The following SLC43A2 variants were observed in gnomAD, a reference collection of about 807,000 sequenced individuals.
The protein encoded by SLC43A2 is solute carrier family 43 member 2.
SLC43A2 carries 38 observed loss-of-function variants against 63.2 expected under a neutral mutation model. The ratio of observed to expected loss-of-function variants is 0.60; its 90% CI spans 0.46 to 0.79. The LOEUF is 0.79. SLC43A2 is among the 30% of genes least tolerant of loss of function. The pLI, the probability that SLC43A2 is intolerant of heterozygous loss-of-function variation, is 0.00. For missense variants in SLC43A2, 644 were observed against 756.2 expected (o/e 0.85, Z 1.74); for synonymous variants, 322 against 331.0 (o/e 0.97, Z 0.30).
intron 2 of SLC43A2, among the ~76,000 whole-genome samples, chr17:1,617,243 G>A (rs1907764772): frequency 6.6e-6 from 1 of 152,190 alleles, no homozygotes; most frequent in African/African-American, 2.4e-5. Context: ...GCAGAACCCA[G>A]ACCACTTGGG....
Position 1,578,264 on chromosome 17 carries a change from GCCC to G in SLC43A2, c.1407_1409del (p.Gly470del), listed in dbSNP as rs2075962953. On this transcript the variant is annotated inframe_deletion, in exon 12 of 14. Transcript: ENST00000301335. The surrounding 1 kb of genome is among the most constrained non-coding windows in gnomAD (Gnocchi z 6.5). ...CCAGGACTTACACGGCAGCGTACAG[GCCC>G]CCGACAGCGGAGTGGATGAATCCTC... 2 of 1,613,854 alleles carry G rather than the reference GCCC, an allele frequency of 1.2e-6. No homozygotes were observed. The highest frequency in any genetic ancestry group is 2.2e-5 in the South Asian group (2 of 91,090).
At chr17:1,581,806 GTTTTTT>G (rs926906202) in intron 11 of SLC43A2, among the ~76,000 whole-genome samples, 1 of 140,750 alleles carries the variant, frequency 7.1e-6, no homozygotes, top group East Asian at 2.1e-4. Context: ...AAGAAATTCA[GTTTTTT>G]TTTTTTTTTT....
At position 1,623,615 on chromosome 17, in the gene SLC43A2, A is replaced by G. The variant is rs1349816643; in HGVS notation, c.160+4100T>C. Among the ~76,000 whole-genome samples the G allele has an allele frequency of 2.7e-5, 4 of 149,312 alleles. No homozygotes were observed. The East Asian group carries it at 7.8e-4, about 29-fold the overall frequency. The stretch of plus-strand genomic sequence containing the variant: ...CCTTCCCACTTCTCTCCTCTCCTCC[A>G]GGGTGTACCCTCCTCTCCTCCAGGC... On this transcript the variant is annotated intron_variant, in intron 2 of 13. Transcript: ENST00000301335.
chr17:1,570,820 C>T lies in SLC43A2; in HGVS notation c.*4784G>A, dbSNP rs987501733. The stretch of plus-strand genomic sequence containing the variant: ...CATTGTTAAGTGCCAGGCGTCCCAC[C>T]ATGCGGGTCTTCACTGCGTATCCAC... On this transcript the variant is annotated 3_prime_UTR_variant, in exon 14 of 14. Transcript: ENST00000301335. 1.3e-5 allele frequency: 2 copies of T among 152,342 alleles called. No individual in the cohort carries two copies. Among genetic ancestry groups the T allele is most frequent in the Non-Finnish European group, 2.9e-5 (2 of 68,118 alleles). 9.4% of individuals were successfully genotyped at this position (152,342 alleles called of 1,614,324 possible). A position where few individuals can be genotyped will look rare whatever the true frequency, so the allele number is the denominator to read the frequency against.
intron 9 of SLC43A2, among the ~76,000 whole-genome samples, chr17:1,588,990 G>T (rs2151041791): frequency 6.6e-6 from 1 of 152,354 alleles, no homozygotes. Context: ...TCACGAGTGT[G>T]CGGAAAGTGA....
chr17:1,629,193 C>T (rs1350674972), upstream of SLC43A2, among the ~76,000 whole-genome samples: 1 of 151,784 alleles, frequency 6.6e-6, no homozygotes, highest in Non-Finnish European at 1.5e-5. Flanking sequence ...CAGAAGCCGC[C>T]GGGCCACCAG....
intron 2 of SLC43A2, among the ~76,000 whole-genome samples, chr17:1,624,918 G>A (rs893565209): frequency 9.2e-5 from 14 of 152,098 alleles, no homozygotes; most frequent in Non-Finnish European, 4.4e-5. Context: ...ACCATCCACA[G>A]GTAGCCGCAG....
intron 12 of SLC43A2, 100 bp from the exon 13 acceptor site, chr17:1,576,820 G>A: frequency 6.9e-7 from 1 of 1,456,008 alleles, no homozygotes; most frequent in Non-Finnish European, 9.1e-7. Context: ...GCCAGAGAAG[G>A]GTGGGGTGCC....
At position 1,577,680 on chromosome 17, in the gene SLC43A2, A is replaced by G. The variant is rs2075955447; in HGVS notation, c.1424+570T>C. Among the ~76,000 whole-genome samples the G allele has an allele frequency of 6.6e-6, 1 of 152,210 alleles. No individual in the cohort carries two copies. The highest frequency in any genetic ancestry group is 2.1e-4 in the South Asian group (1 of 4,834). On this transcript the variant is annotated intron_variant, in intron 12 of 13. Coordinates refer to ENST00000301335, the MANE Select transcript of SLC43A2 (RefSeq NM_152346.3). The surrounding 1 kb of genome is among the most constrained non-coding windows in gnomAD (Gnocchi z 4.9). ...GTTTTTGGGTCAAGGCCTGAGCCAGAGAAGAAGGAACCACTGTGGTTCCTT... is the reference window on the plus strand; with the variant it reads ...GTTTTTGGGTCAAGGCCTGAGCCAGGGAAGAAGGAACCACTGTGGTTCCTT...
At position 1,583,555 on chromosome 17, in the gene SLC43A2, G is replaced by C; in HGVS notation, c.1218-219C>G. On this transcript the variant is annotated intron_variant, in intron 10 of 13. Transcript: ENST00000301335. The surrounding 1 kb of genome is among the most constrained non-coding windows in gnomAD (Gnocchi z 5.5). ...GAGTGTGACTCTCGGAGGGGGTCTCGGGTACAAGAAGATGGCCATCCATAT... is the reference window on the plus strand; with the variant it reads ...GAGTGTGACTCTCGGAGGGGGTCTCCGGTACAAGAAGATGGCCATCCATAT... 2 of 678,408 alleles carry C rather than the reference G, an allele frequency of 2.9e-6. No individual in the cohort carries two copies. Among genetic ancestry groups the C allele is most frequent in the East Asian group, 2.9e-5 (1 of 34,886 alleles). 42.0% of individuals were successfully genotyped at this position (678,408 alleles called of 1,614,324 possible). A position where few individuals can be genotyped will look rare whatever the true frequency, so the allele number is the denominator to read the frequency against.
At position 1,573,912 on chromosome 17, in the gene SLC43A2, CCA is replaced by C. The variant is rs1232593320; in HGVS notation, c.*1690_*1691del. ...GGATTATAGGCGTGAGCCACCACGC[CCA>C]GTCTTTTTTTAAATATTTGAGTGAA... On this transcript the variant is annotated 3_prime_UTR_variant, in exon 14 of 14. Transcript: ENST00000301335. The C allele has an allele frequency of 1.3e-5, 2 of 152,236 alleles. No individual in the cohort carries two copies. Among genetic ancestry groups the C allele is most frequent in the African/African-American group, 4.8e-5 (2 of 41,444 alleles). 9.4% of individuals were successfully genotyped at this position (152,236 alleles called of 1,614,324 possible).
intron 6 of SLC43A2, 35 bp from the exon 7 acceptor site, chr17:1,591,734 A>AGGGGGGGGGGGGGG (rs780559673): frequency 5.8e-5 from 17 of 295,334 alleles, no homozygotes; most frequent in South Asian, 2.4e-4. Context: ...TGGGGGGGGG[A>AGGGGGGGGGGGGGG]GGGGGCAGAG....
rs1905416329 is a variant in SLC43A2 at position 1,597,479 on chromosome 17, T to C, written c.502-4200A>G. 2.2e-5 allele frequency among the ~76,000 whole-genome samples: 3 copies of C among 135,714 alleles called. No individual in the cohort carries two copies. The South Asian group carries it at 7.0e-4, about 31-fold the overall frequency. The allele number at this position is 135,714 out of a possible 152,430, so 89.0% of individuals were successfully genotyped here. On this transcript the variant is annotated intron_variant, in intron 5 of 13. Coordinates refer to ENST00000301335, the MANE Select transcript of SLC43A2 (RefSeq NM_152346.3). ...AAGATTGTGCCACTGCACTCCAGCC[T>C]GGGCGACAGAGCAAGACTCAAAAAA... is the stretch of plus-strand genomic sequence containing the variant.
chr17:1,627,591 CT>C (rs1378871068), intron 2 of SLC43A2, 123 bp downstream of exon 2: 32 of 996,110 alleles, frequency 3.2e-5, no homozygotes, highest in Non-Finnish European at 4.5e-5. Context: ...TCAGATGGGC[CT>C]TCTGATACCC....
rs2075877558 is a variant in SLC43A2, at chr17:1,573,546, T to A, written c.*2058A>T. On this transcript the variant is annotated 3_prime_UTR_variant, in exon 14 of 14. Coordinates refer to ENST00000301335, the MANE Select transcript of SLC43A2 (RefSeq NM_152346.3). ...CCTTTCCCAAACTTGACTATAATAC[T>A]TTCTTGAAAATCAGAATAACCACTA... 1 of 152,240 alleles carries A rather than the reference T, an allele frequency of 6.6e-6. No homozygotes were observed. The highest frequency in any genetic ancestry group is 1.5e-5 in the Non-Finnish European group (1 of 68,046). 9.4% of individuals were successfully genotyped at this position (152,240 alleles called of 1,614,324 possible).
chr17:1,596,008 T>C (rs1905246298), intron 5 of SLC43A2, among the ~76,000 whole-genome samples: 1 of 152,074 alleles, frequency 6.6e-6, no homozygotes, highest in Non-Finnish European at 1.5e-5. Context: ...CCTCTGTGCT[T>C]CAAAGGATGG....
At chr17:1,629,049 G>T (rs1242098516), upstream of SLC43A2, among the ~76,000 whole-genome samples, 2 of 151,782 alleles carry the variant, frequency 1.3e-5, no homozygotes, top group East Asian at 3.9e-4. Flanking sequence ...GCCGGGCCTC[G>T]GCTTTGCAGC....
intron 10 of SLC43A2, among the ~76,000 whole-genome samples, chr17:1,584,035 A>G (rs2076061298): frequency 6.6e-6 from 1 of 151,880 alleles, no homozygotes; most frequent in Non-Finnish European, 1.5e-5. Flanking sequence ...AGCTGGGACT[A>G]CAGGCACGCG....
chr17:1,614,325 C>A (rs958995269), intron 4 of SLC43A2, among the ~76,000 whole-genome samples: 2 of 151,954 alleles, frequency 1.3e-5, no homozygotes, highest in Admixed American at 6.6e-5. Flanking sequence ...GTGGGACGAT[C>A]GCTTGAGCCT....
Sources: gnomAD v4.1 joint callset for allele counts (sites outside exome capture counted in the v4.1 genomes callset) on GRCh38, gnomAD v4.1.1 for gene constraint, Gnocchi (gnomAD v3.1) non-coding constraint, MANE v1.5 for transcripts, NCBI Gene and HGNC (gene_info 2026-07-23, HGNC 2026-07-21) for gene names.